Variants in VWA8 observed in about 807,000 individuals in gnomAD.
The protein encoded by VWA8 is von Willebrand factor A domain containing 8.
Under a neutral mutation model 241.5 loss-of-function variants are expected in VWA8, and 221 were observed. The observed-to-expected ratio is 0.91, with a 90% CI of 0.82 to 1.02. The LOEUF (loss-of-function observed/expected upper bound fraction) is 1.02, where lower values mean the gene tolerates loss of function less well. Ranked by LOEUF, VWA8 falls within the 50% of genes least tolerant of loss-of-function variation. VWA8 has a pLI of 0.00. For missense variants in VWA8, 2,322 were observed against 2,328.7 expected (o/e 1.00, Z 0.06); for synonymous variants, 852 against 827.1 (o/e 1.03, Z -0.52).
chr13:41,729,961 T>G (rs184478961), intron 22 of VWA8, among the ~76,000 whole-genome samples: 1 of 152,046 alleles, frequency 6.6e-6, no homozygotes, highest in Non-Finnish European at 1.5e-5. Context: ...ATTCCCATGG[T>G]AGTGATACCC....
chr13:41,820,453 C>G (rs1420304124), intron 14 of VWA8, among the ~76,000 whole-genome samples: 2 of 152,102 alleles, frequency 1.3e-5, no homozygotes, highest in African/African-American at 4.8e-5. Context: ...GCAGGTCTAC[C>G]AAGTCCCTGA....
chr13:41,955,208 TA>T (rs1878300205), intron 1 of VWA8, among the ~76,000 whole-genome samples: 1 of 152,216 alleles, frequency 6.6e-6, no homozygotes, highest in African/African-American at 2.4e-5. Flanking sequence ...TAAAGGGGAA[TA>T]AGAATACTTA....
chr13:41,675,435 G>C, intron 35 of VWA8, 139 bp from the exon 36 acceptor site: 1 of 515,316 alleles, frequency 1.9e-6, no homozygotes, highest in Non-Finnish European at 3.4e-6. Flanking sequence ...CAACCCTCAT[G>C]GCTAGACTCT....
intron 37 of VWA8, among the ~76,000 whole-genome samples, chr13:41,659,869 T>C (rs1969734022): frequency 6.6e-6 from 1 of 152,236 alleles, no homozygotes; most frequent in Non-Finnish European, 1.5e-5. Context: ...AGAAAACTGA[T>C]GACTAGTTTT....
intron 36 of VWA8, among the ~76,000 whole-genome samples, chr13:41,671,995 TA>T (rs2045028870): frequency 1.3e-5 from 2 of 152,182 alleles, no homozygotes; most frequent in African/African-American, 2.4e-5. Context: ...CACTGTAATT[TA>T]CTGGTTCTCT....
intron 9 of VWA8, among the ~76,000 whole-genome samples, chr13:41,876,332 C>T (rs974755688): frequency 2.0e-5 from 3 of 152,058 alleles, no homozygotes; most frequent in Non-Finnish European, 4.4e-5. Context: ...TTACAGAGCC[C>T]TACATGATCT....
At chr13:41,701,096 TTTTA>T (rs1351472693) in intron 28 of VWA8, among the ~76,000 whole-genome samples, 2 of 152,218 alleles carry the variant, frequency 1.3e-5, no homozygotes, top group Non-Finnish European at 2.9e-5. Context: ...TGTTTCTCCT[TTTTA>T]TTTTTCCCTT....
At chr13:41,842,684 G>C (rs1431097432) in intron 12 of VWA8, among the ~76,000 whole-genome samples, 2 of 152,112 alleles carry the variant, frequency 1.3e-5, no homozygotes, top group Non-Finnish European at 2.9e-5. Flanking sequence ...TAAATGTAAG[G>C]TCAGTATAGG....
At chr13:41,848,219 A>G (rs1872372138) in intron 12 of VWA8, among the ~76,000 whole-genome samples, 1 of 152,196 alleles carries the variant, frequency 6.6e-6, no homozygotes, top group Non-Finnish European at 1.5e-5. Flanking sequence ...TACTCCATGG[A>G]AGACACTGTG....
chr13:41,916,370 G>GT (rs1377159830), intron 2 of VWA8, among the ~76,000 whole-genome samples: 1 of 152,192 alleles, frequency 6.6e-6, no homozygotes, highest in Non-Finnish European at 1.5e-5. Context: ...TTTTCAACAG[G>GT]TGTCCAGCTT....
chr13:41,614,906 C>A, intron 38 of VWA8, 70 bp downstream of exon 38: 4 of 1,458,772 alleles, frequency 2.7e-6, no homozygotes, highest in Non-Finnish European at 3.8e-6. Context: ...TTCTCAGGGG[C>A]GATGTGCTGG....
chr13:41,670,940 T>C lies in VWA8; in HGVS notation c.4611+6A>G, dbSNP rs761310308. 8 of 1,613,300 alleles carry C rather than the reference T, an allele frequency of 5.0e-6. No individual in the cohort carries two copies. In the Admixed American group the frequency reaches 1.0e-4, roughly 20 times the overall value. Reference sequence around the variant, plus strand: ...CTCTAAGAGATAAGGTGAATTCAAATGGTACCTGCATATTTCTGTCATCTT... The same window carrying C: ...CTCTAAGAGATAAGGTGAATTCAAACGGTACCTGCATATTTCTGTCATCTT... On this transcript the variant is annotated splice_donor_region_variant and intron_variant, in intron 37 of 44. Coordinates refer to ENST00000379310, the MANE Select transcript of VWA8 (RefSeq NM_015058.2).
chr13:41,935,746 G>T (rs1877319932), intron 2 of VWA8, among the ~76,000 whole-genome samples: 1 of 151,102 alleles, frequency 6.6e-6, no homozygotes. Flanking sequence ...CTATAAAGGT[G>T]CTTCAAATTG....
intron 39 of VWA8, among the ~76,000 whole-genome samples, chr13:41,611,095 T>C (rs2044584917): frequency 6.6e-6 from 1 of 152,206 alleles, no homozygotes; most frequent in Non-Finnish European, 1.5e-5. Context: ...CTAGCTCTTC[T>C]CTTCCCATCT....
rs1376976200 is a variant in VWA8, at chr13:41,816,601, C to G, written c.1947+97G>C. On this transcript the variant is annotated intron_variant, in intron 16 of 44. Coordinates refer to ENST00000379310, the MANE Select transcript of VWA8 (RefSeq NM_015058.2). ...ATAAGGGATTCCAAAAAATAAAATACCAGCTTAAAAAATAGATTTTAAGTA... is the reference window on the plus strand; with the variant it reads ...ATAAGGGATTCCAAAAAATAAAATAGCAGCTTAAAAAATAGATTTTAAGTA... 9.1e-6 allele frequency: 11 copies of G among 1,205,168 alleles called. No homozygotes were observed. In the East Asian group the frequency reaches 1.7e-4, roughly 18 times the overall value. The allele number at this position is 1,205,168 out of a possible 1,614,324, so 74.7% of individuals were successfully genotyped here.
chr13:41,896,432 C>T (rs2138091534), intron 4 of VWA8, among the ~76,000 whole-genome samples: 1 of 151,798 alleles, frequency 6.6e-6, no homozygotes, highest in South Asian at 2.1e-4. Context: ...GGGAAAAATC[C>T]AATAACTCAA....
chr13:41,945,820 G>C (rs544968900), intron 2 of VWA8, among the ~76,000 whole-genome samples: 1 of 152,046 alleles, frequency 6.6e-6, no homozygotes, highest in East Asian at 1.9e-4. Flanking sequence ...CCTCGAAGGA[G>C]AGAGAAAAAA....
intron 40 of VWA8, among the ~76,000 whole-genome samples, chr13:41,595,393 G>C (rs2044481767): frequency 6.6e-6 from 1 of 152,072 alleles, no homozygotes; most frequent in African/African-American, 2.4e-5. Flanking sequence ...CTTTTTGGGG[G>C]TTAACTTTTC....
At chr13:41,668,490 T>A (rs2045001434) in intron 37 of VWA8, among the ~76,000 whole-genome samples, 1 of 152,154 alleles carries the variant, frequency 6.6e-6, no homozygotes, top group South Asian at 2.1e-4. Flanking sequence ...TAGGAGCAGA[T>A]CTGTGCTGAA....
Sources: allele counts gnomAD v4.1 joint callset (sites outside exome capture counted in the v4.1 genomes callset), GRCh38; gene constraint gnomAD v4.1.1; transcripts MANE v1.5; gene names NCBI Gene and HGNC (gene_info 2026-07-23, HGNC 2026-07-21).